ENPP6: variants seen among roughly 807,000 people sequenced by gnomAD.
ENPP6 encodes ectonucleotide pyrophosphatase/phosphodiesterase 6.
ENPP6 carries 32 observed loss-of-function variants against 42.0 expected under a neutral mutation model. The ratio of observed to expected loss-of-function variants is 0.76; its 90% CI spans 0.58 to 1.02. The LOEUF (loss-of-function observed/expected upper bound fraction) is 1.02, where lower values mean the gene tolerates loss of function less well. Ranked by LOEUF, ENPP6 falls within the 50% of genes least tolerant of loss-of-function variation. The pLI is 0.00. For synonymous variants in ENPP6, 213 were observed against 216.0 expected (o/e 0.99, Z 0.12); for missense variants, 552 against 566.8 (o/e 0.97, Z 0.27).
chr4:184,122,031 C>T (rs1236271536), intron 3 of ENPP6, among the ~76,000 whole-genome samples: 1 of 152,176 alleles, frequency 6.6e-6, no homozygotes, highest in Non-Finnish European at 1.5e-5. Context: ...TCTCACATGT[C>T]AAGAGCTTCC....
rs574823731 is a variant in ENPP6 at position 184,117,494 on chromosome 4, G to C, written c.675+265C>G. On this transcript the variant is annotated intron_variant, in intron 4 of 7. Transcript: ENST00000296741. ...GTCAAGCTGCTACCAAACTTATTAGGAGTCCACAGAGCTGGGTGTCTCTCC... is the reference window on the plus strand; with the variant it reads ...GTCAAGCTGCTACCAAACTTATTAGCAGTCCACAGAGCTGGGTGTCTCTCC... 9.2e-5 allele frequency among the ~76,000 whole-genome samples: 14 copies of C among 152,222 alleles called. 1 individual carries two copies. Among genetic ancestry groups the C allele is most frequent in the South Asian group, 8.3e-4 (4 of 4,828 alleles).
At chr4:184,194,103 C>A (rs1430599450) in intron 1 of ENPP6, among the ~76,000 whole-genome samples, 1 of 152,186 alleles carries the variant, frequency 6.6e-6, no homozygotes, top group African/African-American at 2.4e-5. Context: ...CCCCGAGGTT[C>A]CTCTTTCTTA....
At chr4:184,211,533 A>C (rs1733111721) in intron 1 of ENPP6, among the ~76,000 whole-genome samples, 1 of 152,246 alleles carries the variant, frequency 6.6e-6, no homozygotes, top group Non-Finnish European at 1.5e-5. Context: ...CCAAGACTAA[A>C]CCAGGAAGGA....
At position 184,099,540 on chromosome 4, in the gene ENPP6, G is replaced by A. The variant is rs139278521; in HGVS notation, c.994-2172C>T. Among the ~76,000 whole-genome samples the A allele has an allele frequency of 1.5e-3, 231 of 152,292 alleles. 2 individuals are homozygous for A. In the South Asian group the frequency reaches 0.038, roughly 25 times the overall value. ...CCCCTGGCCATGGGGCCAGGTGCCC[G>A]GGCAGTATGCAGCCGGGCAGTGTGG... On this transcript the variant is annotated intron_variant, in intron 6 of 7. Coordinates refer to ENST00000296741, the MANE Select transcript of ENPP6 (RefSeq NM_153343.4).
intron 2 of ENPP6, among the ~76,000 whole-genome samples, chr4:184,146,685 T>C (rs1404484477): frequency 6.6e-6 from 1 of 152,190 alleles, no homozygotes; most frequent in Non-Finnish European, 1.5e-5. Flanking sequence ...AACAAGTGTG[T>C]GTCAACAGTT....
chr4:184,093,776 T>C (rs1735849992), intron 7 of ENPP6, among the ~76,000 whole-genome samples: 1 of 152,070 alleles, frequency 6.6e-6, no homozygotes, highest in Non-Finnish European at 1.5e-5. Context: ...GGATGGTAGT[T>C]ACACTTCCCT....
intron 7 of ENPP6, 81 bp downstream of exon 7, chr4:184,097,164 C>A: frequency 6.3e-7 from 1 of 1,582,050 alleles, no homozygotes; most frequent in African/African-American, 1.3e-5. Context: ...TCCCTGCAGC[C>A]TCTCCTGGCA....
At chr4:184,117,969 T>G in intron 3 of ENPP6, 69 bp from the exon 4 acceptor site, 1 of 1,552,208 alleles carries the variant, frequency 6.4e-7, no homozygotes, top group South Asian at 1.2e-5. Flanking sequence ...ATCACCCCCA[T>G]AGCACTCTCT....
chr4:184,129,167 A>G (rs1361894636), intron 2 of ENPP6, among the ~76,000 whole-genome samples: 1 of 152,202 alleles, frequency 6.6e-6, no homozygotes, highest in Admixed American at 6.5e-5. Context: ...GGAAAAAGAA[A>G]TAAGAAATGA....
intron 1 of ENPP6, among the ~76,000 whole-genome samples, chr4:184,213,545 A>G (rs1364510751): frequency 2.6e-5 from 4 of 151,628 alleles, no homozygotes; most frequent in Non-Finnish European, 5.9e-5. Flanking sequence ...ATGAGATACC[A>G]TCTCACACCA....
chr4:184,116,011 C>A (rs183252048), intron 5 of ENPP6, among the ~76,000 whole-genome samples: 1 of 150,806 alleles, frequency 6.6e-6, no homozygotes, highest in Admixed American at 6.6e-5. Context: ...GTCAGGAGAT[C>A]GAGACCATCC....
At chr4:184,203,425 C>T (rs930346641) in intron 1 of ENPP6, among the ~76,000 whole-genome samples, 40 of 152,156 alleles carry the variant, frequency 2.6e-4, no homozygotes, top group African/African-American at 8.7e-4. Flanking sequence ...CTGAAGTTCC[C>T]AGCCTCAGGA....
At chr4:184,094,510 C>G (rs749776712) in intron 7 of ENPP6, among the ~76,000 whole-genome samples, 3 of 152,256 alleles carry the variant, frequency 2.0e-5, no homozygotes, top group Non-Finnish European at 4.4e-5. Flanking sequence ...ATAATCCAGG[C>G]TGGAATGAGA....
chr4:184,124,393 A>G (rs1229705904), intron 2 of ENPP6, 121 bp from the exon 3 acceptor site: 2 of 692,206 alleles, frequency 2.9e-6, no homozygotes, highest in African/African-American at 1.8e-5. Context: ...GAGTATTTTT[A>G]TGAACTAAAA....
chr4:184,192,785 G>A (rs1732728013), intron 1 of ENPP6, among the ~76,000 whole-genome samples: 1 of 151,994 alleles, frequency 6.6e-6, no homozygotes, highest in African/African-American at 2.4e-5. Flanking sequence ...ATGAGTAAAG[G>A]GATTTGTATA....
chr4:184,125,609 G>C (rs979291017), intron 2 of ENPP6, among the ~76,000 whole-genome samples: 2 of 152,108 alleles, frequency 1.3e-5, no homozygotes, highest in African/African-American at 4.8e-5. Context: ...CCTCCAGAAA[G>C]CATCCCTTCA....
intron 1 of ENPP6, among the ~76,000 whole-genome samples, chr4:184,179,702 T>G (rs1052729810): frequency 1.3e-5 from 2 of 152,016 alleles, no homozygotes; most frequent in Non-Finnish European, 2.9e-5. Flanking sequence ...AAATTAGAAC[T>G]CAATATTAAG....
chr4:184,177,227 A>T (rs1437858077), intron 1 of ENPP6, among the ~76,000 whole-genome samples: 1 of 152,210 alleles, frequency 6.6e-6, no homozygotes, highest in Non-Finnish European at 1.5e-5. Flanking sequence ...CCCACAGCGC[A>T]GCACAGTGGC....
At chr4:184,097,738 ACCAGGGGTACAATTT>A (rs892554410) in intron 6 of ENPP6, among the ~76,000 whole-genome samples, 1 of 152,170 alleles carries the variant, frequency 6.6e-6, no homozygotes, top group Non-Finnish European at 1.5e-5. Flanking sequence ...AGCTCCTAAA[ACCAGGGGTACAATTT>A]CCTGAGGATA....
Sources: allele counts gnomAD v4.1 joint callset (sites outside exome capture counted in the v4.1 genomes callset), GRCh38; gene constraint gnomAD v4.1.1; transcripts MANE v1.5; gene names NCBI Gene and HGNC (gene_info 2026-07-23, HGNC 2026-07-21).